SEPTIN9: variants seen among roughly 807,000 people sequenced by gnomAD.
SEPTIN9 encodes the protein septin 9, also known as septin-9.
In SEPTIN9, 13 loss-of-function variants were observed where a neutral mutation model predicts 56.6. The observed-to-expected ratio is 0.23, with a 90% confidence interval of 0.15 to 0.37. SEPTIN9 has a LOEUF of 0.37. Ranked by LOEUF, SEPTIN9 falls within the 10% of genes least tolerant of loss-of-function variation. SEPTIN9 has a pLI of 1.00. For missense variants in SEPTIN9, 650 were observed against 823.1 expected (o/e 0.79, Z 2.57); for synonymous variants, 332 against 334.1 (o/e 0.99, Z 0.07).
chr17:77,487,379 G>T lies in SEPTIN9; in HGVS notation c.914-45G>T. 6.4e-7 allele frequency: 1 copy of T among 1,564,374 alleles called. No homozygotes were observed. On this transcript the variant is annotated intron_variant, in intron 4 of 11. Coordinates refer to ENST00000427177, the MANE Select transcript of SEPTIN9 (RefSeq NM_001113491.2). The surrounding 1 kb of genome is among the most constrained non-coding windows in gnomAD (Gnocchi z 4.3). Reference sequence around the variant, plus strand: ...GGGGCCCCATGTGCAGACCCTGCTGGTCTCTCCGGAGAGACCCCTGACCGG... The same window carrying T: ...GGGGCCCCATGTGCAGACCCTGCTGTTCTCTCCGGAGAGACCCCTGACCGG...
At chr17:77,321,218 C>G (rs57927100) in intron 2 of SEPTIN9, among the ~76,000 whole-genome samples, 34,980 of 152,050 alleles carry the variant, frequency 0.23, 4,316 homozygotes, top group Middle Eastern at 0.27. Context: ...AAGTGACCTA[C>G]GGGCCATGGA....
intron 2 of SEPTIN9, among the ~76,000 whole-genome samples, chr17:77,388,861 C>T (rs2035435383): frequency 9.2e-6 from 1 of 109,174 alleles, no homozygotes; most frequent in African/African-American, 3.8e-5. Context: ...TGTAACATTT[C>T]CCCTAATGGA....
Position 77,318,652 on chromosome 17 carries a change from CCCAGAAGG to C in SEPTIN9, c.76+11457_76+11464del, listed in dbSNP as rs2032791194. Among the ~76,000 whole-genome samples, 1 of 152,066 alleles carries C rather than the reference CCCAGAAGG, an allele frequency of 6.6e-6. No homozygotes were observed. The highest frequency in any genetic ancestry group is 1.5e-5 in the Non-Finnish European group (1 of 68,000). On this transcript the variant is annotated intron_variant, in intron 2 of 11. Transcript: ENST00000427177. The surrounding 1 kb of genome is among the most constrained non-coding windows in gnomAD (Gnocchi z 4.9). Reference sequence around the variant, plus strand: ...GGGAGGAGGTGGTTGCTTGATGTCTCCCAGAAGGCTGGGAATGGTCCTCCCCACCCCCC... The same window carrying C: ...GGGAGGAGGTGGTTGCTTGATGTCTCCTGGGAATGGTCCTCCCCACCCCCC...
chr17:77,497,285 C>A (rs1598481259), intron 10 of SEPTIN9, 30 bp from the exon 11 acceptor site: 2 of 1,607,898 alleles, frequency 1.2e-6, no homozygotes, highest in East Asian at 4.5e-5. Flanking sequence ...TCCACTGGGA[C>A]ATTAAAGCCC....
chr17:77,406,589 T>G (rs1296410303), intron 3 of SEPTIN9, among the ~76,000 whole-genome samples: 1 of 152,106 alleles, frequency 6.6e-6, no homozygotes, highest in African/African-American at 2.4e-5. Context: ...GAGGTTTTGC[T>G]GTATAGTCTT....
chr17:77,322,531 TG>T (rs1423429210), intron 2 of SEPTIN9: 4 of 152,282 alleles, frequency 2.6e-5, no homozygotes, highest in Non-Finnish European at 4.4e-5. Flanking sequence ...GTTCTCGTCC[TG>T]GGCAAACTTT....
At chr17:77,466,567 C>A in intron 3 of SEPTIN9, 1 of 985,576 alleles carries the variant, frequency 1.0e-6, no homozygotes, top group Non-Finnish European at 1.2e-6. Flanking sequence ...CACAGTAGGT[C>A]AACCCCAGGC....
Position 77,492,050 on chromosome 17 carries a change from T to C in SEPTIN9, c.1381-571T>C, listed in dbSNP as rs2040054710. Among the ~76,000 whole-genome samples, 1 of 152,026 alleles carries C rather than the reference T, an allele frequency of 6.6e-6. No individual in the cohort carries two copies. Among genetic ancestry groups the C allele is most frequent in the African/African-American group, 2.4e-5 (1 of 41,394 alleles). On this transcript the variant is annotated intron_variant, in intron 8 of 11. Coordinates refer to ENST00000427177, the MANE Select transcript of SEPTIN9 (RefSeq NM_001113491.2). The surrounding 1 kb of genome is among the most constrained non-coding windows in gnomAD (Gnocchi z 5.4). ...GGTGTGGGTGGGGCCTGTAACCTAC[T>C]CCGTCCTGGGGCCAGGTGTCAGGGA... is the stretch of plus-strand genomic sequence containing the variant.
In SEPTIN9 at chr17:77,445,112, G is replaced by T; in HGVS notation, c.722-37032G>T. 1 of 459,192 alleles carries T rather than the reference G, an allele frequency of 2.2e-6. No individual in the cohort carries two copies. The highest frequency in any genetic ancestry group is 4.6e-6 in the Non-Finnish European group (1 of 219,202). 28.4% of individuals were successfully genotyped at this position (459,192 alleles called of 1,614,324 possible). On this transcript the variant is annotated intron_variant, in intron 3 of 11. Transcript: ENST00000427177. This position sits in a 1 kb window ranked among gnomAD's most constrained non-coding sequence, Gnocchi z 4.7. ...GCCTGCCTGGGGACGGCCTTCACTC[G>T]GGCTACTCAGGGTTTCCCCAGCCTG...
At chr17:77,384,474 C>G (rs1309991079) in intron 2 of SEPTIN9, among the ~76,000 whole-genome samples, 1 of 151,618 alleles carries the variant, frequency 6.6e-6, no homozygotes, top group Non-Finnish European at 1.5e-5. Flanking sequence ...CCCTAGCAGC[C>G]TCCGAATGGA....
intron 2 of SEPTIN9, among the ~76,000 whole-genome samples, chr17:77,355,065 G>A (rs1031052350): frequency 1.3e-5 from 2 of 152,144 alleles, no homozygotes; most frequent in African/African-American, 4.8e-5. Context: ...GCTTTTCTAC[G>A]TGCCGATTAT....
intron 1 of SEPTIN9, among the ~76,000 whole-genome samples, chr17:77,297,154 A>G (rs1222207905): frequency 2.6e-5 from 4 of 152,178 alleles, no homozygotes; most frequent in Non-Finnish European, 5.9e-5. Context: ...CGCAAGCTGG[A>G]GGCCCAGGAA....
chr17:77,493,515 G>A (rs762161742), intron 10 of SEPTIN9, among the ~76,000 whole-genome samples: 1 of 152,330 alleles, frequency 6.6e-6, no homozygotes, highest in East Asian at 1.9e-4. Context: ...TTGAGTGGCT[G>A]TTGTAACCAA....
chr17:77,331,191 C>CA (rs1302823089), intron 2 of SEPTIN9, among the ~76,000 whole-genome samples: 1 of 151,948 alleles, frequency 6.6e-6, no homozygotes, highest in East Asian at 1.9e-4. Context: ...TTTGTCTTTA[C>CA]AAAAAATAAA....
chr17:77,491,221 C>G (rs1319337926), intron 8 of SEPTIN9, among the ~76,000 whole-genome samples: 1 of 103,406 alleles, frequency 9.7e-6, no homozygotes, highest in Non-Finnish European at 1.9e-5. Flanking sequence ...TTTATGCCCC[C>G]CCTTTTTTTT....
intron 3 of SEPTIN9, among the ~76,000 whole-genome samples, chr17:77,410,941 G>T (rs989380412): frequency 6.6e-6 from 1 of 152,000 alleles, no homozygotes; most frequent in Non-Finnish European, 1.5e-5. Context: ...AATGCACGAC[G>T]GGGCGTGGTG....
chr17:77,355,677 G>T (rs1187866358), intron 2 of SEPTIN9, among the ~76,000 whole-genome samples: 1 of 152,088 alleles, frequency 6.6e-6, no homozygotes, highest in African/African-American at 2.4e-5. Flanking sequence ...GCAACCCTCC[G>T]CAGAGGTCTT....
rs2032428926 is a variant in SEPTIN9, at chr17:77,310,028, G to A, written c.76+2831G>A. Among the ~76,000 whole-genome samples, 1 of 151,890 alleles carries A rather than the reference G, an allele frequency of 6.6e-6. No individual in the cohort carries two copies. The highest frequency in any genetic ancestry group is 2.1e-4 in the South Asian group (1 of 4,818). On this transcript the variant is annotated intron_variant, in intron 2 of 11. Transcript: ENST00000427177. The surrounding 1 kb of genome is among the most constrained non-coding windows in gnomAD (Gnocchi z 4.7). ...GAGTCTCGCTCTATCGCCCAGGCTG[G>A]AGTGCAGTGGCACCATCTCGGCTCA...
intron 3 of SEPTIN9, among the ~76,000 whole-genome samples, chr17:77,474,515 C>T (rs547027524): frequency 6.6e-6 from 1 of 152,350 alleles, no homozygotes; most frequent in South Asian, 2.1e-4. Context: ...CAGTTCAGGG[C>T]TCTGCCTCCA....
Sources: gnomAD v4.1 joint callset for allele counts (sites outside exome capture counted in the v4.1 genomes callset) on GRCh38, gnomAD v4.1.1 for gene constraint, Gnocchi (gnomAD v3.1) non-coding constraint, MANE v1.5 for transcripts, NCBI Gene and HGNC (gene_info 2026-07-23, HGNC 2026-07-21) for gene names.